Variants in TOX observed in about 807,000 individuals in gnomAD.
TOX encodes the protein thymocyte selection associated high mobility group box.
Under a neutral mutation model 53.7 loss-of-function variants are expected in TOX, and 11 were observed. The observed-to-expected ratio is 0.20, with a 90% CI of 0.13 to 0.34. The LOEUF is 0.34. Among genes scored for constraint, TOX ranks in the 10% least tolerant of loss-of-function variants. The pLI is 1.00. For synonymous variants in TOX, 225 were observed against 245.3 expected (o/e 0.92, Z 0.77); for missense variants, 570 against 664.6 (o/e 0.86, Z 1.56).
intron 1 of TOX, among the ~76,000 whole-genome samples, chr8:59,017,422 C>T (rs931434890): frequency 6.6e-6 from 1 of 152,170 alleles, no homozygotes; most frequent in Non-Finnish European, 1.5e-5. Flanking sequence ...GGCACGGTAT[C>T]ATCCCCTGGA....
chr8:59,032,907 C>G lies in TOX; in HGVS notation c.103-72899G>C, dbSNP rs187521361. 7.2e-5 allele frequency among the ~76,000 whole-genome samples: 11 copies of G among 152,070 alleles called. No homozygotes were observed. The East Asian group carries it at 2.1e-3, about 29-fold the overall frequency. The stretch of plus-strand genomic sequence containing the variant: ...ATTAGCTGGACGTGATGGCAGGCAC[C>G]TGTAATCCCAGCTACTTGGAGGCTT... On this transcript the variant is annotated intron_variant, in intron 1 of 8. Coordinates refer to ENST00000361421, the MANE Select transcript of TOX (RefSeq NM_014729.3).
intron 1 of TOX, among the ~76,000 whole-genome samples, chr8:59,000,921 A>T (rs1813678147): frequency 6.6e-6 from 1 of 152,158 alleles, no homozygotes; most frequent in Admixed American, 6.5e-5. Context: ...CAGTTATGAA[A>T]TTTAAAGGTG....
chr8:59,038,195 C>T (rs544696152), intron 1 of TOX, among the ~76,000 whole-genome samples: 10 of 152,282 alleles, frequency 6.6e-5, no homozygotes, highest in African/African-American at 1.4e-4. Flanking sequence ...TATTACATTT[C>T]GATCTGTCAT....
intron 5 of TOX, among the ~76,000 whole-genome samples, chr8:58,832,349 T>TA (rs1271430579): frequency 6.6e-6 from 1 of 151,968 alleles, no homozygotes. Context: ...GCAACTGTTT[T>TA]ACATATCCTT....
At chr8:58,938,982 T>G (rs548689535) in intron 3 of TOX, among the ~76,000 whole-genome samples, 19 of 152,322 alleles carry the variant, frequency 1.2e-4, no homozygotes, top group Non-Finnish European at 2.5e-4. Flanking sequence ...GGATGAGAGG[T>G]GGCATCTTTC....
At chr8:59,056,848 G>A (rs172654) in intron 1 of TOX, among the ~76,000 whole-genome samples, 143,488 of 152,282 alleles carry the variant, frequency 0.94, 67,652 homozygotes, top group African/African-American at 0.96. Flanking sequence ...CAGCAAGTCA[G>A]ATCTCTCCGT....
intron 2 of TOX, among the ~76,000 whole-genome samples, chr8:58,948,155 G>A (rs1006499646): frequency 2.0e-5 from 3 of 152,172 alleles, no homozygotes; most frequent in Admixed American, 1.3e-4. Context: ...TGGGCTGGGG[G>A]ACCCTGAGGT....
chr8:59,111,323 A>G (rs960913117), intron 1 of TOX, among the ~76,000 whole-genome samples: 1 of 152,144 alleles, frequency 6.6e-6, no homozygotes, highest in African/African-American at 2.4e-5. Flanking sequence ...ATTAGGATAT[A>G]ACATGTCTGT....
intron 2 of TOX, among the ~76,000 whole-genome samples, chr8:58,958,053 C>G (rs1322350257): frequency 6.6e-6 from 1 of 152,140 alleles, no homozygotes; most frequent in Non-Finnish European, 1.5e-5. Flanking sequence ...ACAGCACATT[C>G]TAAAAACATT....
intron 3 of TOX, among the ~76,000 whole-genome samples, chr8:58,922,045 C>T (rs897161433): frequency 6.6e-6 from 1 of 152,128 alleles, no homozygotes. Flanking sequence ...TCATAGAATG[C>T]CGTGGCCTGA....
At chr8:58,841,292 C>T (rs1370705148) in intron 4 of TOX, among the ~76,000 whole-genome samples, 1 of 152,172 alleles carries the variant, frequency 6.6e-6, no homozygotes. Flanking sequence ...AGATCTACTC[C>T]TGTTCGTGTG....
intron 1 of TOX, among the ~76,000 whole-genome samples, chr8:58,988,636 G>A (rs1316727899): frequency 6.6e-6 from 1 of 152,180 alleles, no homozygotes; most frequent in East Asian, 1.9e-4. Flanking sequence ...CTGATAAAAT[G>A]GGCTCAATAG....
rs1813619976 is a variant in TOX, at chr8:58,998,536, T to TATGTA, written c.103-38529_103-38528insTACAT. On this transcript the variant is annotated intron_variant, in intron 1 of 8. Coordinates refer to ENST00000361421, the MANE Select transcript of TOX (RefSeq NM_014729.3). ...ATATATATATATATATATATATATA[T>TATGTA]ATAAATTTATATATAATAAATTTAT... Among the ~76,000 whole-genome samples, 37 of 37,746 alleles carry TATGTA rather than the reference T, an allele frequency of 9.8e-4. 1 individual carries two copies. Among genetic ancestry groups the TATGTA allele is most frequent in the African/African-American group, 4.8e-3 (36 of 7,542 alleles). 24.8% of individuals were successfully genotyped at this position (37,746 alleles called of 152,430 possible). A position where few individuals can be genotyped will look rare whatever the true frequency, so the allele number is the denominator to read the frequency against.
chr8:59,028,656 C>T (rs766356391), intron 1 of TOX, among the ~76,000 whole-genome samples: 3 of 152,096 alleles, frequency 2.0e-5, no homozygotes, highest in Admixed American at 1.3e-4. Flanking sequence ...ACATAGATTA[C>T]GTCAGCTCCT....
chr8:59,038,496 T>C (rs1803512591), intron 1 of TOX, among the ~76,000 whole-genome samples: 1 of 152,236 alleles, frequency 6.6e-6, no homozygotes, highest in Non-Finnish European at 1.5e-5. Flanking sequence ...TTTCAGCCAA[T>C]AGTATCATTT....
intron 2 of TOX, among the ~76,000 whole-genome samples, chr8:58,941,955 A>G (rs1301567802): frequency 6.0e-5 from 9 of 151,212 alleles, no homozygotes; most frequent in Non-Finnish European, 1.3e-4. Flanking sequence ...CGGGAGGCTG[A>G]GGCAGGAGAA....
At chr8:59,104,261 C>T (rs546971699) in intron 1 of TOX, among the ~76,000 whole-genome samples, 20 of 152,264 alleles carry the variant, frequency 1.3e-4, no homozygotes, top group African/African-American at 4.6e-4. Flanking sequence ...AATCTTTTCA[C>T]GCCCCTTAAT....
chr8:58,998,527 AT>A (rs1813615539), intron 1 of TOX, among the ~76,000 whole-genome samples: 2 of 40,224 alleles, frequency 5.0e-5, no homozygotes, highest in Admixed American at 3.1e-4. Context: ...ATATATATAT[AT>A]ATATATATAT....
chr8:58,926,454 G>A (rs571222698), intron 3 of TOX, among the ~76,000 whole-genome samples: 1 of 152,304 alleles, frequency 6.6e-6, no homozygotes, highest in Non-Finnish European at 1.5e-5. Flanking sequence ...AGTTGGCTGA[G>A]TTTATTTACC....
Sources: gnomAD v4.1 joint callset for allele counts (sites outside exome capture counted in the v4.1 genomes callset) on GRCh38, gnomAD v4.1.1 for gene constraint, MANE v1.5 for transcripts, NCBI Gene and HGNC (gene_info 2026-07-23, HGNC 2026-07-21) for gene names.